Variants in LRP1B observed in about 807,000 individuals in gnomAD.
LRP1B encodes low-density lipoprotein receptor-related protein 1B.
Under a neutral mutation model 556.6 loss-of-function variants are expected in LRP1B, and 217 were observed. The ratio of observed to expected loss-of-function variants is 0.39; its 90% CI spans 0.35 to 0.44. The LOEUF is 0.44. LRP1B is among the 20% of genes least tolerant of loss of function. The probability of loss-of-function intolerance (pLI) is 1.00; values close to 1 mark genes in which losing one functional copy is unlikely to be tolerated. For synonymous variants in LRP1B, 2,047 were observed against 1,865.8 expected (o/e 1.10, Z -2.50); for missense variants, 5,053 against 5,620.8 (o/e 0.90, Z 3.23).
At chr2:141,297,057 G>C (rs1343230787) in intron 3 of LRP1B, among the ~76,000 whole-genome samples, 2 of 152,144 alleles carry the variant, frequency 1.3e-5, no homozygotes, top group African/African-American at 4.8e-5. Context: ...TTATGGCTGT[G>C]TAGTATTTCA....
intron 45 of LRP1B, among the ~76,000 whole-genome samples, chr2:140,539,023 G>C (rs1680033945): frequency 6.6e-6 from 1 of 152,010 alleles, no homozygotes; most frequent in Admixed American, 6.6e-5. Flanking sequence ...AAACATCATG[G>C]TTCAGCTGCC....
chr2:140,774,343 T>C (rs1288658650), intron 33 of LRP1B, among the ~76,000 whole-genome samples: 4 of 152,128 alleles, frequency 2.6e-5, no homozygotes, highest in Non-Finnish European at 5.9e-5. Flanking sequence ...ATTATACCTA[T>C]AGAATCAAAT....
At chr2:141,567,902 T>G (rs1686392216) in intron 2 of LRP1B, among the ~76,000 whole-genome samples, 1 of 150,106 alleles carries the variant, frequency 6.7e-6, no homozygotes. Flanking sequence ...CTTCTTCTGT[T>G]GTAGATTTTG....
chr2:142,051,764 C>T (rs1704468903), intron 1 of LRP1B, among the ~76,000 whole-genome samples: 1 of 152,020 alleles, frequency 6.6e-6, no homozygotes, highest in Non-Finnish European at 1.5e-5. Context: ...CATGAGCCAC[C>T]GTGTTATACT....
At chr2:140,617,168 T>C (rs1683286237) in intron 41 of LRP1B, among the ~76,000 whole-genome samples, 1 of 151,966 alleles carries the variant, frequency 6.6e-6, no homozygotes, top group African/African-American at 2.4e-5. Flanking sequence ...ACACATTTAC[T>C]TGATTGCTCT....
chr2:141,753,131 C>T (rs1334652294), intron 2 of LRP1B, among the ~76,000 whole-genome samples: 1 of 146,522 alleles, frequency 6.8e-6, no homozygotes, highest in African/African-American at 2.5e-5. Flanking sequence ...GCCTGTAATC[C>T]CAGCTACTCG....
intron 21 of LRP1B, among the ~76,000 whole-genome samples, chr2:140,911,155 G>A (rs1410949512): frequency 3.3e-5 from 5 of 151,892 alleles, no homozygotes; most frequent in South Asian, 2.1e-4. Context: ...TTTAAAAAAG[G>A]CATAGAACTC....
rs2105456210 is a variant in LRP1B at position 141,055,248 on chromosome 2, C to T, written c.1420G>A (p.Ala474Thr). ...KRTQPTVRSH[A>T]CEVDPYGMPG... ...ATTCCATATGGATCGACTTCACATG[C>T]ATGGCTTCTGACTACAACAAATAAA... The change falls in exon 10 of 91, where the codon GCA becomes ACA. Residue 474 changes from alanine to threonine, a missense_variant. By Grantham distance (58) the Ala-to-Thr change is moderately conservative. Coordinates refer to ENST00000389484, the MANE Select transcript of LRP1B (RefSeq NM_018557.3). The T allele has an allele frequency of 6.2e-7, 1 of 1,610,296 alleles. No individual in the cohort carries two copies. Among genetic ancestry groups the T allele is most frequent in the Non-Finnish European group, 8.5e-7 (1 of 1,178,114 alleles).
At position 142,108,383 on chromosome 2, in the gene LRP1B, T is replaced by C. The variant is rs187025715; in HGVS notation, c.82+22265A>G. On this transcript the variant is annotated intron_variant, in intron 1 of 90. Transcript: ENST00000389484. ...ATCTATAGGATCAGTCTTTTCGTGTTATCCACTAAGAGTGTAATTTGCAAG... is the reference window on the plus strand; with the variant it reads ...ATCTATAGGATCAGTCTTTTCGTGTCATCCACTAAGAGTGTAATTTGCAAG... Among the ~76,000 whole-genome samples, 14 of 151,672 alleles carry C rather than the reference T, an allele frequency of 9.2e-5. No homozygotes were observed. The East Asian group carries it at 2.7e-3, about 30-fold the overall frequency.
intron 3 of LRP1B, among the ~76,000 whole-genome samples, chr2:141,456,496 T>A (rs1361686816): frequency 1.3e-5 from 2 of 152,228 alleles, no homozygotes; most frequent in Admixed American, 6.5e-5. Flanking sequence ...TATGAACATC[T>A]TGAGATTAGA....
At chr2:141,343,275 C>A (rs528177072) in intron 3 of LRP1B, among the ~76,000 whole-genome samples, 5 of 152,156 alleles carry the variant, frequency 3.3e-5, no homozygotes, top group Non-Finnish European at 4.4e-5. Context: ...TTTATCTCTA[C>A]TTAACATACC....
At chr2:140,432,413 A>AAAAG (rs1327682616) in intron 66 of LRP1B, among the ~76,000 whole-genome samples, 3 of 152,334 alleles carry the variant, frequency 2.0e-5, no homozygotes, top group Admixed American at 2.0e-4. Flanking sequence ...ACATTTCCTC[A>AAAAG]AAAGAAACTA....
intron 84 of LRP1B, among the ~76,000 whole-genome samples, chr2:140,284,837 C>T (rs993031046): frequency 6.6e-5 from 10 of 150,814 alleles, no homozygotes; most frequent in Non-Finnish European, 3.0e-5. Context: ...ATACATATAT[C>T]TTGCTACCAC....
intron 2 of LRP1B, among the ~76,000 whole-genome samples, chr2:141,806,540 C>T (rs1013076649): frequency 7.2e-5 from 11 of 151,912 alleles, no homozygotes; most frequent in African/African-American, 2.7e-4. Flanking sequence ...ATAATTCTTC[C>T]CAACATGAAA....
rs1303476707 is a variant in LRP1B, at chr2:140,356,534, T to TA, written c.11396-59dup. ...AATTCTAATTCCTGAAGTGGGGAGT[T>TA]AACTTTTAAAAAATGTTTGAAATGG... On this transcript the variant is annotated intron_variant, in intron 74 of 90. Transcript: ENST00000389484. 67 of 1,254,806 alleles carry TA rather than the reference T, an allele frequency of 5.3e-5. No individual in the cohort carries two copies. The East Asian group carries it at 1.5e-3, about 28-fold the overall frequency. The allele number at this position is 1,254,806 out of a possible 1,614,324, so 77.7% of individuals were successfully genotyped here.
intron 1 of LRP1B, among the ~76,000 whole-genome samples, chr2:141,926,783 G>T (rs1001267353): frequency 6.6e-6 from 1 of 152,034 alleles, no homozygotes; most frequent in African/African-American, 2.4e-5. Flanking sequence ...TTGCTAAATC[G>T]ATCCTGGGGA....
At chr2:140,483,638 ATATTTTT>A (rs1170605247) in intron 59 of LRP1B, among the ~76,000 whole-genome samples, 6 of 74,072 alleles carry the variant, frequency 8.1e-5, no homozygotes, top group Non-Finnish European at 1.3e-4. Context: ...ATATATATAT[ATATTTTT>A]TTTTTTTTTT....
intron 57 of LRP1B, among the ~76,000 whole-genome samples, chr2:140,488,396 A>G (rs1000477938): frequency 1.3e-5 from 2 of 152,008 alleles, no homozygotes; most frequent in African/African-American, 2.4e-5. Context: ...CACATGGTGG[A>G]AATGTGAGGA....
chr2:140,976,838 C>T (rs1696616715), intron 18 of LRP1B, among the ~76,000 whole-genome samples: 1 of 151,996 alleles, frequency 6.6e-6, no homozygotes, highest in African/African-American at 2.4e-5. Flanking sequence ...TGCTAACAAA[C>T]TTTAGGTAAT....
Sources: gnomAD v4.1 joint callset for allele counts (sites outside exome capture counted in the v4.1 genomes callset) on GRCh38, gnomAD v4.1.1 for gene constraint, MANE v1.5 for transcripts, NCBI Gene and HGNC (gene_info 2026-07-23, HGNC 2026-07-21) for gene names.